Variants in WDFY2 observed in about 807,000 individuals in gnomAD.
The protein encoded by WDFY2 is WD repeat and FYVE domain containing 2.
A neutral mutation model predicts 56.4 loss-of-function variants in WDFY2; 36 were observed. That is an observed-to-expected ratio of 0.64 (90% CI 0.49 to 0.84). WDFY2 has a LOEUF of 0.84. Ranked by LOEUF, WDFY2 falls within the 40% of genes least tolerant of loss-of-function variation. WDFY2 has a pLI of 0.00. For missense variants in WDFY2, 444 were observed against 512.2 expected, an observed-to-expected ratio of 0.87 and a Z score of 1.29; for synonymous variants, 176 against 183.7, an observed-to-expected ratio of 0.96 and a Z score of 0.34.
At chr13:51,670,525 AC>A (rs1244824834) in intron 2 of WDFY2, among the ~76,000 whole-genome samples, 1 of 151,010 alleles carries the variant, frequency 6.6e-6, no homozygotes, top group Non-Finnish European at 1.5e-5. Flanking sequence ...ACACACACAC[AC>A]ACACACACAC....
intron 5 of WDFY2, among the ~76,000 whole-genome samples, chr13:51,726,135 A>G (rs1952599619): frequency 1.3e-5 from 2 of 152,230 alleles, no homozygotes; most frequent in South Asian, 4.1e-4. Context: ...GAGTGCATAC[A>G]TGCACATGCA....
At chr13:51,649,141 G>A (rs188650448) in intron 1 of WDFY2, among the ~76,000 whole-genome samples, 126 of 152,124 alleles carry the variant, frequency 8.3e-4, no homozygotes, top group Non-Finnish European at 1.3e-3. Flanking sequence ...AGTGAGACTC[G>A]GTCTCAAAAA....
At chr13:51,744,846 A>G (rs575628668) in intron 7 of WDFY2, among the ~76,000 whole-genome samples, 1 of 152,326 alleles carries the variant, frequency 6.6e-6, no homozygotes, top group African/African-American at 2.4e-5. Context: ...CGTAACCCCT[A>G]ACGTGTAAAC....
intron 3 of WDFY2, among the ~76,000 whole-genome samples, chr13:51,693,548 C>T (rs1310788576): frequency 6.6e-6 from 1 of 152,044 alleles, no homozygotes. Context: ...GTCTGAGAGA[C>T]AGTTTGTTAT....
At chr13:51,711,438 T>C (rs867955426) in intron 4 of WDFY2, among the ~76,000 whole-genome samples, 1 of 149,560 alleles carries the variant, frequency 6.7e-6, no homozygotes, top group African/African-American at 2.5e-5. Context: ...AATTGACAAA[T>C]GGGATCTAAT....
At chr13:51,603,865 G>A (rs902488950) in intron 1 of WDFY2, among the ~76,000 whole-genome samples, 3 of 152,144 alleles carry the variant, frequency 2.0e-5, no homozygotes, top group African/African-American at 7.2e-5. Context: ...TAGGCACAAG[G>A]CAGGTAACAT....
At chr13:51,635,664 T>A (rs1168759385) in intron 1 of WDFY2, among the ~76,000 whole-genome samples, 1 of 152,162 alleles carries the variant, frequency 6.6e-6, no homozygotes, top group African/African-American at 2.4e-5. Flanking sequence ...TCCCCATGGC[T>A]TGGGAACTAC....
rs71749521 is a variant in WDFY2, at chr13:51,720,942, TTCTCTCTCTCTC to T, written c.485+1612_485+1623del. 8.8e-3 allele frequency among the ~76,000 whole-genome samples: 1,301 copies of T among 147,946 alleles called. 16 individuals are homozygous for T. The highest frequency in any genetic ancestry group is 0.031 in the African/African-American group (1,225 of 40,128). The stretch of plus-strand genomic sequence containing the variant: ...TTTGGGGAGACATAATCATTCTGTC[TTCTCTCTCTCTC>T]TCTCTCTCTCTCTCTCTATTTCACA... On this transcript the variant is annotated intron_variant, in intron 5 of 11. Coordinates refer to ENST00000298125, the MANE Select transcript of WDFY2 (RefSeq NM_052950.4).
chr13:51,757,349 C>T (rs1953419073), intron 10 of WDFY2, among the ~76,000 whole-genome samples: 2 of 152,012 alleles, frequency 1.3e-5, no homozygotes, highest in African/African-American at 4.8e-5. Flanking sequence ...AAGACATAGA[C>T]TTTAAGAGTT....
intron 5 of WDFY2, among the ~76,000 whole-genome samples, chr13:51,720,252 C>A (rs186379617): frequency 1.3e-5 from 2 of 152,096 alleles, no homozygotes. Context: ...TGAAACTGTG[C>A]GGCATTCAAA....
At chr13:51,693,158 T>C (rs1951782381) in intron 3 of WDFY2, among the ~76,000 whole-genome samples, 3 of 152,238 alleles carry the variant, frequency 2.0e-5, no homozygotes, top group African/African-American at 7.2e-5. Flanking sequence ...CCTGGATTCA[T>C]TAATTTTTTG....
chr13:51,637,138 G>A (rs1201109768), intron 1 of WDFY2, among the ~76,000 whole-genome samples: 1 of 152,158 alleles, frequency 6.6e-6, no homozygotes, highest in African/African-American at 2.4e-5. Context: ...GGATGGAGGA[G>A]GAACAGTTGC....
At chr13:51,615,643 A>T (rs1954596884) in intron 1 of WDFY2, among the ~76,000 whole-genome samples, 1 of 152,256 alleles carries the variant, frequency 6.6e-6, no homozygotes, top group African/African-American at 2.4e-5. Context: ...TGAAATGTCC[A>T]TCAGTAGGGA....
At chr13:51,730,369 G>A (rs978865376) in intron 6 of WDFY2, among the ~76,000 whole-genome samples, 3 of 152,086 alleles carry the variant, frequency 2.0e-5, no homozygotes, top group African/African-American at 7.2e-5. Context: ...TGGCTGTAAC[G>A]GCCTTCCTTT....
chr13:51,605,083 A>G (rs1372589414), intron 1 of WDFY2, among the ~76,000 whole-genome samples: 3 of 152,256 alleles, frequency 2.0e-5, no homozygotes, highest in Non-Finnish European at 2.9e-5. Context: ...GAGGAGGGTG[A>G]GACAGCAATC....
At chr13:51,738,690 T>TG (rs1237799913) in intron 6 of WDFY2, among the ~76,000 whole-genome samples, 1 of 152,200 alleles carries the variant, frequency 6.6e-6, no homozygotes, top group African/African-American at 2.4e-5. Flanking sequence ...TTGTCAGGGG[T>TG]GGGAGGCAGG....
chr13:51,686,149 A>G (rs1394123388), intron 3 of WDFY2, among the ~76,000 whole-genome samples: 1 of 152,148 alleles, frequency 6.6e-6, no homozygotes, highest in Non-Finnish European at 1.5e-5. Flanking sequence ...GGGTTGAGGT[A>G]TGAACTTTGC....
intron 8 of WDFY2, 144 bp downstream of exon 8, chr13:51,751,559 TG>T: frequency 1.2e-6 from 1 of 816,632 alleles, no homozygotes; most frequent in South Asian, 1.6e-5. Flanking sequence ...TTGTTTGGGT[TG>T]TTTTTTTTTT....
At chr13:51,713,846 C>CAA (rs763208351) in intron 4 of WDFY2, among the ~76,000 whole-genome samples, 715 of 55,242 alleles carry the variant, frequency 0.013, 10 homozygotes, top group African/African-American at 0.034. Flanking sequence ...GATTCCATCT[C>CAA]AAAAAAAAAA....
Sources: gnomAD v4.1 joint callset for allele counts (sites outside exome capture counted in the v4.1 genomes callset) on GRCh38, gnomAD v4.1.1 for gene constraint, MANE v1.5 for transcripts, NCBI Gene and HGNC (gene_info 2026-07-23, HGNC 2026-07-21) for gene names.